The following ITGB5 variants were observed in gnomAD, a reference collection of about 807,000 sequenced individuals.
ITGB5 encodes integrin subunit beta 5.
Under a neutral mutation model 84.8 loss-of-function variants are expected in ITGB5, and 38 were observed. The observed-to-expected ratio is 0.45, with a 90% confidence interval of 0.35 to 0.59. The LOEUF (loss-of-function observed/expected upper bound fraction) is 0.59, where lower values mean the gene tolerates loss of function less well. ITGB5 is among the 20% of genes least tolerant of loss of function. The probability of loss-of-function intolerance (pLI) is 0.01; values close to 1 mark genes in which losing one functional copy is unlikely to be tolerated. For missense variants in ITGB5, 905 were observed against 1,034.5 expected (o/e 0.87, Z 1.72); for synonymous variants, 393 against 414.4 (o/e 0.95, Z 0.63).
At chr3:124,864,557 T>G (rs2065358138) in intron 2 of ITGB5, among the ~76,000 whole-genome samples, 1 of 152,114 alleles carries the variant, frequency 6.6e-6, no homozygotes, top group Non-Finnish European at 1.5e-5. Context: ...ACGTTTTCCC[T>G]TATCAGTGGG....
At chr3:124,892,528 A>G (rs1200205510), upstream of ITGB5, among the ~76,000 whole-genome samples, 7 of 54,774 alleles carry the variant, frequency 1.3e-4, no homozygotes, top group Admixed American at 3.7e-4. Context: ...CATCTCTATT[A>G]AAAAAAAAAA....
At chr3:124,854,825 A>G (rs1184840369) in intron 3 of ITGB5, among the ~76,000 whole-genome samples, 1 of 152,200 alleles carries the variant, frequency 6.6e-6, no homozygotes, top group African/African-American at 2.4e-5. Flanking sequence ...AATTCTTTTT[A>G]ATTTTTATTT....
chr3:124,816,688 G>A (rs1178832803), intron 8 of ITGB5, among the ~76,000 whole-genome samples: 1 of 152,118 alleles, frequency 6.6e-6, no homozygotes, highest in East Asian at 1.9e-4. Context: ...GTACTTTTGG[G>A]GTGTTATGAA....
chr3:124,825,232 T>A (rs1408956101), intron 5 of ITGB5, among the ~76,000 whole-genome samples: 1 of 150,400 alleles, frequency 6.6e-6, no homozygotes, highest in African/African-American at 2.4e-5. Context: ...AGATTAGAAC[T>A]CTCATAATTG....
chr3:124,817,329 C>G (rs1397717345), intron 8 of ITGB5, among the ~76,000 whole-genome samples: 1 of 152,192 alleles, frequency 6.6e-6, no homozygotes, highest in East Asian at 1.9e-4. Flanking sequence ...GTGTCAGAAC[C>G]TAAGCACTTC....
At chr3:124,785,144 A>T (rs1002152268) in intron 10 of ITGB5, among the ~76,000 whole-genome samples, 1 of 152,102 alleles carries the variant, frequency 6.6e-6, no homozygotes, top group Admixed American at 6.5e-5. Context: ...TTCAGTGGGG[A>T]GTGTGGCCTA....
chr3:124,814,499 CAG>C (rs1191914393), intron 8 of ITGB5, among the ~76,000 whole-genome samples: 2 of 145,546 alleles, frequency 1.4e-5, no homozygotes, highest in African/African-American at 5.0e-5. Flanking sequence ...AAAAAAGAGA[CAG>C]AGTCTCACTC....
chr3:124,858,073 G>A (rs939472232), intron 3 of ITGB5, among the ~76,000 whole-genome samples: 1 of 149,782 alleles, frequency 6.7e-6, no homozygotes. Flanking sequence ...GGTGAAGGTT[G>A]CAATGAGCCA....
At chr3:124,887,579 T>G (rs1452490594), upstream of ITGB5, 3 of 315,228 alleles carry the variant, frequency 9.5e-6, no homozygotes, top group African/African-American at 6.6e-5. Context: ...CGGGCCCAGG[T>G]GGAAGTCGCT....
chr3:124,831,562 C>T (rs1311848050), intron 5 of ITGB5, among the ~76,000 whole-genome samples: 1 of 152,170 alleles, frequency 6.6e-6, no homozygotes, highest in African/African-American at 2.4e-5. Flanking sequence ...ACTCAGCTGT[C>T]GGAAAACACA....
intron 1 of ITGB5, among the ~76,000 whole-genome samples, chr3:124,874,979 G>A (rs558746494): frequency 1.1e-4 from 16 of 152,244 alleles, no homozygotes; most frequent in Middle Eastern, 6.8e-3. Flanking sequence ...CAGAAGCACA[G>A]GCAACAAAAA....
At chr3:124,873,600 AG>A in intron 1 of ITGB5, 69 bp from the exon 2 acceptor site, 1 of 1,148,346 alleles carries the variant, frequency 8.7e-7, no homozygotes, top group Non-Finnish European at 1.3e-6. Flanking sequence ...GCCTTTGAAT[AG>A]GGGGAATTAC....
rs564262232 is a variant in ITGB5, at chr3:124,803,426, T to G, written c.1263+5596A>C. Among the ~76,000 whole-genome samples, 14 of 152,286 alleles carry G rather than the reference T, an allele frequency of 9.2e-5. No individual in the cohort carries two copies. In the East Asian group the frequency reaches 2.7e-3, roughly 29 times the overall value. The stretch of plus-strand genomic sequence containing the variant: ...GAACAGCTCCCTTATAAAGCTGCTG[T>G]AAGAGGCAGACAGCAGCAGTAATGC... On this transcript the variant is annotated intron_variant, in intron 9 of 14. Transcript: ENST00000296181.
chr3:124,896,383 T>C lies in ITGB5; in HGVS notation c.-255+4883A>G, dbSNP rs534817659. Among the ~76,000 whole-genome samples, 15 of 152,106 alleles carry C rather than the reference T, an allele frequency of 9.9e-5. No homozygotes were observed. In the East Asian group the frequency reaches 2.9e-3, roughly 29 times the overall value. ...TGATGCCTGCAATGCTCACTAGGGG[T>C]TCTTCTTATGTTAGACTAGACATTC... is the stretch of plus-strand genomic sequence containing the variant. On this transcript the variant is annotated intron_variant, in intron 1 of 4. Coordinates refer to the ITGB5 transcript ENST00000608657.
chr3:124,884,081 G>A (rs1579342197), intron 1 of ITGB5, among the ~76,000 whole-genome samples: 1 of 152,100 alleles, frequency 6.6e-6, no homozygotes, highest in East Asian at 1.9e-4. Flanking sequence ...ATGGCCCTGA[G>A]GGTCATCTCT....
chr3:124,887,644 G>C (rs1006107981), upstream of ITGB5: 1 of 446,362 alleles, frequency 2.2e-6, no homozygotes, highest in Non-Finnish European at 4.5e-6. Context: ...GCCCGCTCCC[G>C]TTGCTTAGCC....
chr3:124,851,641 ACG>A lies in ITGB5; in HGVS notation c.362-3085_362-3084del, dbSNP rs1491358071. On this transcript the variant is annotated intron_variant, in intron 3 of 14. Transcript: ENST00000296181. ...CACACACACACACACACACACACACACGCACACATCCCTTCCCAAAGGAAGGC... is the reference window on the plus strand; with the variant it reads ...CACACACACACACACACACACACACACACACATCCCTTCCCAAAGGAAGGC... Among the ~76,000 whole-genome samples, 1,020 of 150,784 alleles carry A rather than the reference ACG, an allele frequency of 6.8e-3. 4 individuals are homozygous for A. Among genetic ancestry groups the A allele is most frequent in the Non-Finnish European group, 0.01 (708 of 67,756 alleles).
chr3:124,831,183 C>T (rs2064855304), intron 5 of ITGB5, among the ~76,000 whole-genome samples: 1 of 152,116 alleles, frequency 6.6e-6, no homozygotes, highest in Non-Finnish European at 1.5e-5. Context: ...TTCCCATGCC[C>T]GGCACCACCC....
intron 3 of ITGB5, among the ~76,000 whole-genome samples, chr3:124,850,035 C>G (rs1006036343): frequency 2.0e-5 from 3 of 151,860 alleles, no homozygotes; most frequent in African/African-American, 7.3e-5. Flanking sequence ...TCACTCCTGC[C>G]CAGCGGGTCT....
Sources: gnomAD v4.1 joint callset for allele counts (sites outside exome capture counted in the v4.1 genomes callset) on GRCh38, gnomAD v4.1.1 for gene constraint, MANE v1.5 for transcripts, NCBI Gene and HGNC (gene_info 2026-07-23, HGNC 2026-07-21) for gene names.